The following GRIK4 variants were observed in gnomAD, a reference collection of about 807,000 sequenced individuals.
GRIK4 encodes glutamate ionotropic receptor kainate type subunit 4, also known as glutamate receptor ionotropic, kainate 4.
A neutral mutation model predicts 104.9 loss-of-function variants in GRIK4; 40 were observed. The ratio of observed to expected loss-of-function variants is 0.38; its 90% CI spans 0.30 to 0.50. The LOEUF (loss-of-function observed/expected upper bound fraction) is 0.50. Among genes scored for constraint, GRIK4 ranks in the 20% least tolerant of loss-of-function variants. GRIK4 has a pLI of 0.93. For missense variants in GRIK4, 1,047 were observed against 1,308.1 expected (o/e 0.80, Z 3.08); for synonymous variants, 485 against 524.9 (o/e 0.92, Z 1.04).
chr11:120,595,416 C>T (rs1209641431), intron 1 of GRIK4, among the ~76,000 whole-genome samples: 1 of 152,176 alleles, frequency 6.6e-6, no homozygotes, highest in Non-Finnish European at 1.5e-5. Context: ...TTTTCTTCCC[C>T]TCTAGACTGT....
intron 1 of GRIK4, among the ~76,000 whole-genome samples, chr11:120,600,373 T>C (rs1948868477): frequency 6.6e-6 from 1 of 152,182 alleles, no homozygotes; most frequent in Non-Finnish European, 1.5e-5. Flanking sequence ...ACTAGAGTTT[T>C]CCTGCGAATT....
At chr11:120,919,799 T>C (rs981124572) in intron 13 of GRIK4, among the ~76,000 whole-genome samples, 9 of 152,030 alleles carry the variant, frequency 5.9e-5, no homozygotes, top group Admixed American at 1.3e-4. Flanking sequence ...GGCCTGGTTA[T>C]TGAATGGGGA....
intron 13 of GRIK4, among the ~76,000 whole-genome samples, chr11:120,918,519 T>TG (rs1354200988): frequency 1.3e-5 from 2 of 152,202 alleles, no homozygotes; most frequent in Non-Finnish European, 2.9e-5. Flanking sequence ...GAAGGAGGAA[T>TG]GGGGTGTGAA....
chr11:120,797,715 G>A (rs1194675154), intron 3 of GRIK4, among the ~76,000 whole-genome samples: 1 of 152,212 alleles, frequency 6.6e-6, no homozygotes, highest in African/African-American at 2.4e-5. Flanking sequence ...GGGAGGTAGA[G>A]AGGACAGGAT....
At chr11:120,741,628 T>C (rs986937788) in intron 3 of GRIK4, among the ~76,000 whole-genome samples, 1 of 152,176 alleles carries the variant, frequency 6.6e-6, no homozygotes, top group Non-Finnish European at 1.5e-5. Flanking sequence ...TCTGCAAAAA[T>C]AGCAAATGTG....
chr11:120,960,704 G>A (rs1434849283), intron 16 of GRIK4, among the ~76,000 whole-genome samples: 1 of 152,190 alleles, frequency 6.6e-6, no homozygotes, highest in Non-Finnish European at 1.5e-5. Flanking sequence ...CAAATCAACT[G>A]TCTTCTTCCA....
intron 11 of GRIK4, among the ~76,000 whole-genome samples, chr11:120,897,357 G>C (rs909584165): frequency 6.7e-6 from 1 of 148,368 alleles, no homozygotes; most frequent in African/African-American, 2.5e-5. Context: ...CATCTCGGCC[G>C]GGCGCGGTGG....
chr11:120,636,846 AAAAG>A (rs1949402852), intron 1 of GRIK4, among the ~76,000 whole-genome samples: 1 of 152,058 alleles, frequency 6.6e-6, no homozygotes, highest in Non-Finnish European at 1.5e-5. Context: ...TCTCAAAAAA[AAAAG>A]AAAGGAAGGA....
chr11:120,922,160 A>G (rs186614150), intron 13 of GRIK4, among the ~76,000 whole-genome samples: 2 of 152,352 alleles, frequency 1.3e-5, no homozygotes. Context: ...TGCTTTACAA[A>G]TGTTCTCCTA....
chr11:120,972,745 T>C (rs1944495638), intron 19 of GRIK4, among the ~76,000 whole-genome samples: 1 of 152,084 alleles, frequency 6.6e-6, no homozygotes, highest in Non-Finnish European at 1.5e-5. Flanking sequence ...CTGTGGGTGG[T>C]ACATGTGGAG....
At chr11:120,766,920 T>C (rs1951850823) in intron 3 of GRIK4, among the ~76,000 whole-genome samples, 1 of 151,896 alleles carries the variant, frequency 6.6e-6, no homozygotes. Flanking sequence ...CAGGAATCCG[T>C]GTATTATATT....
chr11:120,653,297 A>G (rs1334789087), intron 1 of GRIK4, among the ~76,000 whole-genome samples: 1 of 152,230 alleles, frequency 6.6e-6, no homozygotes, highest in African/African-American at 2.4e-5. Flanking sequence ...AAATGGATCC[A>G]GTCTTGCAGT....
intron 3 of GRIK4, among the ~76,000 whole-genome samples, chr11:120,784,363 A>G (rs1952221853): frequency 6.6e-6 from 1 of 152,162 alleles, no homozygotes; most frequent in Non-Finnish European, 1.5e-5. Flanking sequence ...GGTGGAAACA[A>G]TCGAAGTAAT....
At chr11:120,863,888 A>G (rs1954324912) in intron 9 of GRIK4, among the ~76,000 whole-genome samples, 1 of 152,222 alleles carries the variant, frequency 6.6e-6, no homozygotes, top group Non-Finnish European at 1.5e-5. Flanking sequence ...AGGAGGTCAG[A>G]GCTCATGGAA....
chr11:120,910,804 CAG>C (rs1449228955), intron 13 of GRIK4, among the ~76,000 whole-genome samples: 1 of 152,164 alleles, frequency 6.6e-6, no homozygotes, highest in Non-Finnish European at 1.5e-5. Context: ...GAAGTGCAGA[CAG>C]AATACTGGAG....
intron 1 of GRIK4, among the ~76,000 whole-genome samples, chr11:120,631,792 A>G (rs902590038): frequency 8.5e-5 from 13 of 152,144 alleles, no homozygotes; most frequent in African/African-American, 3.1e-4. Context: ...GTCTTGTCTC[A>G]AATTACTGTT....
At chr11:120,724,176 T>C (rs1198861112) in intron 3 of GRIK4, among the ~76,000 whole-genome samples, 1 of 152,188 alleles carries the variant, frequency 6.6e-6, no homozygotes. Context: ...AGAGACAAGG[T>C]CTTGCTCTAT....
At chr11:120,827,914 C>T (rs955010952) in intron 6 of GRIK4, among the ~76,000 whole-genome samples, 1 of 152,152 alleles carries the variant, frequency 6.6e-6, no homozygotes, top group Admixed American at 6.5e-5. Flanking sequence ...TTATTCCTTA[C>T]GTTGAGCTGG....
intron 1 of GRIK4, among the ~76,000 whole-genome samples, chr11:120,628,115 G>A (rs1159694863): frequency 1.3e-5 from 2 of 152,196 alleles, no homozygotes; most frequent in African/African-American, 4.8e-5. Context: ...TCTGCTGGTG[G>A]CAGAGGGTGT....
Sources: gnomAD v4.1 joint callset for allele counts (sites outside exome capture counted in the v4.1 genomes callset) on GRCh38, gnomAD v4.1.1 for gene constraint, MANE v1.5 for transcripts, NCBI Gene and HGNC (gene_info 2026-07-23, HGNC 2026-07-21) for gene names.